The following SH3RF3 variants were observed in gnomAD, a reference collection of about 807,000 sequenced individuals.
The protein encoded by SH3RF3 is E3 ubiquitin-protein ligase SH3RF3.
SH3RF3 carries 29 observed loss-of-function variants against 66.3 expected under a neutral mutation model. The ratio of observed to expected loss-of-function variants is 0.44; its 90% CI spans 0.33 to 0.60. The LOEUF (loss-of-function observed/expected upper bound fraction) is 0.60. SH3RF3 is among the 20% of genes least tolerant of loss of function. The pLI is 0.04. For synonymous variants in SH3RF3, 583 were observed against 532.0 expected (o/e 1.10, Z -1.32); for missense variants, 1,194 against 1,190.9 (o/e 1.00, Z -0.04).
chr2:109,324,253 G>A (rs1162483133), intron 1 of SH3RF3, among the ~76,000 whole-genome samples: 1 of 152,158 alleles, frequency 6.6e-6, no homozygotes, highest in Non-Finnish European at 1.5e-5. Context: ...ACCATCACAG[G>A]TAGTGCCCTG....
Position 109,367,445 on chromosome 2 carries a change from CTAGTTGTTG to C in SH3RF3, c.850-4138_850-4130del, listed in dbSNP as rs1339455903. ...TACAGGCACACGGCCTCATGCCTGGCTAGTTGTTGTATTTTTAATAGAAACGGGGTTTCA... is the reference window on the plus strand; with the variant it reads ...TACAGGCACACGGCCTCATGCCTGGCTATTTTTAATAGAAACGGGGTTTCA... On this transcript the variant is annotated intron_variant, in intron 2 of 9. Transcript: ENST00000309415. Among the ~76,000 whole-genome samples, 5 of 152,090 alleles carry C rather than the reference CTAGTTGTTG, an allele frequency of 3.3e-5. No individual in the cohort carries two copies. In the East Asian group the frequency reaches 9.7e-4, roughly 30 times the overall value.
intron 8 of SH3RF3, among the ~76,000 whole-genome samples, chr2:109,459,723 A>G (rs182745344): frequency 1.4e-4 from 22 of 152,292 alleles, no homozygotes; most frequent in African/African-American, 3.6e-4. Flanking sequence ...TTCCAGCTCA[A>G]TGGAATCATT....
intron 1 of SH3RF3, among the ~76,000 whole-genome samples, chr2:109,266,449 G>A (rs776796976): frequency 1.3e-5 from 2 of 152,148 alleles, no homozygotes; most frequent in Non-Finnish European, 2.9e-5. Context: ...CTTGACAAGG[G>A]ACACCTATGT....
At chr2:109,305,214 T>TC (rs1402956582) in intron 1 of SH3RF3, among the ~76,000 whole-genome samples, 4 of 152,324 alleles carry the variant, frequency 2.6e-5, no homozygotes, top group East Asian at 1.9e-4. Context: ...TATATCTCTT[T>TC]CTCAGCTGGT....
intron 3 of SH3RF3, among the ~76,000 whole-genome samples, chr2:109,377,021 A>T (rs548705249): frequency 3.3e-5 from 5 of 152,370 alleles, no homozygotes; most frequent in Admixed American, 6.5e-5. Context: ...AGGAACAGAG[A>T]GCCGCTCAGA....
intron 9 of SH3RF3, among the ~76,000 whole-genome samples, chr2:109,491,406 T>TAATTCA: frequency 6.6e-6 from 1 of 152,216 alleles, no homozygotes; most frequent in Admixed American, 6.5e-5. Context: ...TTCAAGTCTA[T>TAATTCA]ATCCCTTGAA....
chr2:109,491,016 A>T (rs1679116891), intron 9 of SH3RF3, 80 bp downstream of exon 9: 2 of 1,298,364 alleles, frequency 1.5e-6, no homozygotes, highest in South Asian at 3.7e-5. Context: ...GGGAGCAGGG[A>T]CACTGTGGCC....
rs375032315 is a variant in SH3RF3 at position 109,437,086 on chromosome 2, A to G, written c.1768A>G (p.Ser590Gly). 5.0e-5 allele frequency: 81 copies of G among 1,613,514 alleles called. No individual in the cohort carries two copies. The highest frequency in any genetic ancestry group is 5.1e-6 in the Non-Finnish European group (6 of 1,179,844). Residue 590 changes from serine (S) to glycine (G), a missense_variant, in exon 7 of 10, where the codon AGC becomes GGC. Transcript: ENST00000309415. ...QHPTASPPTG[S>G]CLRHSAQPTA... Reference sequence around the variant, plus strand: ...CCCCACAGCCTCGCCCCCAACAGGCAGCTGTCTACGGCACTCAGCCCAGCC... The same window carrying G: ...CCCCACAGCCTCGCCCCCAACAGGCGGCTGTCTACGGCACTCAGCCCAGCC...
intron 1 of SH3RF3, among the ~76,000 whole-genome samples, chr2:109,254,336 A>G (rs537588354): frequency 6.6e-6 from 1 of 152,272 alleles, no homozygotes; most frequent in East Asian, 1.9e-4. Context: ...TTCTACCTGT[A>G]TAATCCTGTG....
intron 1 of SH3RF3, among the ~76,000 whole-genome samples, chr2:109,165,190 C>G (rs965479579): frequency 3.8e-5 from 3 of 79,814 alleles, no homozygotes; most frequent in African/African-American, 1.3e-4. Context: ...TCATCACCCT[C>G]AAAAGCTGAG....
chr2:109,314,556 T>G (rs1408920010), intron 1 of SH3RF3, among the ~76,000 whole-genome samples: 2 of 152,210 alleles, frequency 1.3e-5, no homozygotes, highest in African/African-American at 4.8e-5. Context: ...CTAATACATT[T>G]TTATTATTCC....
chr2:109,226,529 C>A (rs1405266591), intron 1 of SH3RF3, among the ~76,000 whole-genome samples: 1 of 152,174 alleles, frequency 6.6e-6, no homozygotes, highest in Non-Finnish European at 1.5e-5. Context: ...CTTTTTAAGT[C>A]CCTTTAAAGT....
At chr2:109,280,461 G>A (rs1004137712) in intron 1 of SH3RF3, among the ~76,000 whole-genome samples, 1 of 152,184 alleles carries the variant, frequency 6.6e-6, no homozygotes, top group African/African-American at 2.4e-5. Context: ...AAGGGGAGCG[G>A]TGGGGAATCC....
At chr2:109,291,144 C>CT (rs1681159782) in intron 1 of SH3RF3, among the ~76,000 whole-genome samples, 1 of 152,198 alleles carries the variant, frequency 6.6e-6, no homozygotes, top group African/African-American at 2.4e-5. Context: ...ATTTGGGGCA[C>CT]TTGTCTCATG....
At chr2:109,231,251 GCT>G (rs1300367352) in intron 1 of SH3RF3, among the ~76,000 whole-genome samples, 1 of 152,228 alleles carries the variant, frequency 6.6e-6, no homozygotes, top group Non-Finnish European at 1.5e-5. Flanking sequence ...TCTAATTACT[GCT>G]CTTTCTTCTA....
intron 4 of SH3RF3, 129 bp from the exon 5 acceptor site, chr2:109,419,410 G>T (rs748372543): frequency 3.2e-6 from 3 of 944,180 alleles, no homozygotes; most frequent in African/African-American, 1.6e-5. Flanking sequence ...GGCACAGCAC[G>T]TTGGAGGCCA....
chr2:109,150,320 G>A (rs1300744110), intron 1 of SH3RF3, among the ~76,000 whole-genome samples: 2 of 152,030 alleles, frequency 1.3e-5, no homozygotes, highest in Non-Finnish European at 2.9e-5. Flanking sequence ...GGGGGAGGGG[G>A]CATGAGGCTG....
chr2:109,438,070 C>T (rs148232595), intron 7 of SH3RF3, among the ~76,000 whole-genome samples: 33 of 152,336 alleles, frequency 2.2e-4, no homozygotes, highest in African/African-American at 5.5e-4. Flanking sequence ...ATAAAATATA[C>T]TATTTCTTAG....
intron 3 of SH3RF3, among the ~76,000 whole-genome samples, chr2:109,382,689 C>T (rs558236634): frequency 6.6e-6 from 1 of 152,332 alleles, no homozygotes; most frequent in East Asian, 1.9e-4. Flanking sequence ...ATCTTCAGAA[C>T]AGCCTTAGGG....
Sources: gnomAD v4.1 joint callset for allele counts (sites outside exome capture counted in the v4.1 genomes callset) on GRCh38, gnomAD v4.1.1 for gene constraint, MANE v1.5 for transcripts, NCBI Gene and HGNC (gene_info 2026-07-23, HGNC 2026-07-21) for gene names.